PPARGC1A: variants seen among roughly 807,000 people sequenced by gnomAD.
PPARGC1A encodes PPARG coactivator 1 alpha, also known as peroxisome proliferator-activated receptor gamma coactivator 1-alpha.
In PPARGC1A, 25 loss-of-function variants were observed where a neutral mutation model predicts 88.7. The observed-to-expected ratio is 0.28, with a 90% CI of 0.21 to 0.39. PPARGC1A has a LOEUF of 0.39. PPARGC1A is among the 10% of genes least tolerant of loss of function. The pLI, the probability that PPARGC1A is intolerant of heterozygous loss-of-function variation, is 1.00. For missense variants in PPARGC1A, 880 were observed against 968.7 expected (o/e 0.91, Z 1.22); for synonymous variants, 363 against 355.6 (o/e 1.02, Z -0.24).
the PPARGC1A span, among the ~76,000 whole-genome samples, chr4:24,457,785 G>A: frequency 6.6e-6 from 1 of 151,898 alleles, no homozygotes; most frequent in African/African-American, 2.4e-5. Context: ...GGATGGTCTC[G>A]ATCTCTTGAC....
At chr4:24,091,314 T>C in the PPARGC1A span, among the ~76,000 whole-genome samples, 1 of 152,228 alleles carries the variant, frequency 6.6e-6, no homozygotes, top group Admixed American at 6.5e-5. Flanking sequence ...TTGCATGGTT[T>C]GCAAAGACGT....
the PPARGC1A span, among the ~76,000 whole-genome samples, chr4:24,249,545 A>C: frequency 6.6e-6 from 1 of 152,236 alleles, no homozygotes; most frequent in Non-Finnish European, 1.5e-5. Context: ...CCATGAAGAC[A>C]GAATTCTCTG....
At chr4:24,314,208 G>A in the PPARGC1A span, among the ~76,000 whole-genome samples, 4 of 152,210 alleles carry the variant, frequency 2.6e-5, no homozygotes, top group Non-Finnish European at 5.9e-5. Flanking sequence ...AACGGACTGA[G>A]CATTTCACTT....
chr4:24,340,863 C>T, the PPARGC1A span, among the ~76,000 whole-genome samples: 1 of 152,092 alleles, frequency 6.6e-6, no homozygotes, highest in Non-Finnish European at 1.5e-5. Flanking sequence ...TCTCATCCAC[C>T]CGCCACTCCC....
chr4:23,882,612 A>G (rs1251690025), intron 2 of PPARGC1A: 3 of 152,134 alleles, frequency 2.0e-5, no homozygotes, highest in Non-Finnish European at 4.4e-5. Context: ...GGGGACCAAA[A>G]TCGCCTTTGG....
At chr4:23,915,627 T>C in the PPARGC1A span, among the ~76,000 whole-genome samples, 1 of 152,202 alleles carries the variant, frequency 6.6e-6, no homozygotes, top group Non-Finnish European at 1.5e-5. Context: ...AGCTCAGCTC[T>C]AGAATAATGC....
chr4:24,376,216 G>T, the PPARGC1A span, among the ~76,000 whole-genome samples: 1 of 152,226 alleles, frequency 6.6e-6, no homozygotes, highest in South Asian at 2.1e-4. Context: ...AGCATATACG[G>T]TTCCCACCAC....
intron 7 of PPARGC1A, among the ~76,000 whole-genome samples, chr4:23,816,285 C>T (rs781615520): frequency 1.3e-5 from 2 of 152,154 alleles, no homozygotes; most frequent in Non-Finnish European, 2.9e-5. Flanking sequence ...TGGCTCTTTG[C>T]CCTTCTCTTT....
In PPARGC1A at chr4:23,795,028, A is replaced by T. The variant is rs1419180329; in HGVS notation, c.*794T>A. On this transcript the variant is annotated 3_prime_UTR_variant, in exon 13 of 13. Coordinates refer to ENST00000264867, the MANE Select transcript of PPARGC1A (RefSeq NM_013261.5). Reference sequence around the variant, plus strand: ...CAGTATCCTCTCCCACCCAGATTCCATGGCAAAAGGAAAAAGAAAAAAAAA... The same window carrying T: ...CAGTATCCTCTCCCACCCAGATTCCTTGGCAAAAGGAAAAAGAAAAAAAAA... The T allele has an allele frequency of 6.6e-6, 1 of 151,008 alleles. No homozygotes were observed. 9.4% of individuals were successfully genotyped at this position (151,008 alleles called of 1,614,324 possible).
the PPARGC1A span, among the ~76,000 whole-genome samples, chr4:24,341,072 T>C: frequency 6.6e-6 from 1 of 152,030 alleles, no homozygotes; most frequent in African/African-American, 2.4e-5. Context: ...TTACAAAGAT[T>C]AAAGAACATG....
the PPARGC1A span, among the ~76,000 whole-genome samples, chr4:24,002,276 C>T: frequency 5.3e-5 from 8 of 152,106 alleles, no homozygotes; most frequent in South Asian, 4.2e-4. Context: ...GACAAGCATG[C>T]GCCACCACAC....
chr4:24,226,045 T>C, the PPARGC1A span, among the ~76,000 whole-genome samples: 1 of 152,266 alleles, frequency 6.6e-6, no homozygotes, highest in Admixed American at 6.5e-5. Flanking sequence ...AGGTGAGAGC[T>C]GTTTCCACGC....
chr4:23,897,781 A>G (rs1718784835), intron 1 of PPARGC1A, among the ~76,000 whole-genome samples: 2 of 152,250 alleles, frequency 1.3e-5, no homozygotes, highest in South Asian at 4.1e-4. Context: ...ATTGGCTCTG[A>G]GAAGATCAGC....
chr4:24,107,767 G>C, the PPARGC1A span, among the ~76,000 whole-genome samples: 1 of 152,200 alleles, frequency 6.6e-6, no homozygotes, highest in Non-Finnish European at 1.5e-5. Flanking sequence ...CTGAGAGAGG[G>C]AGTGAAGTAA....
chr4:23,824,424 C>T, intron 6 of PPARGC1A, 39 bp downstream of exon 6: 2 of 1,605,392 alleles, frequency 1.2e-6, no homozygotes, highest in Non-Finnish European at 1.7e-6. Context: ...TTAGAACCCC[C>T]TTCCCTTTCA....
chr4:23,967,775 T>C, the PPARGC1A span, among the ~76,000 whole-genome samples: 2 of 152,308 alleles, frequency 1.3e-5, no homozygotes, highest in Non-Finnish European at 1.5e-5. Flanking sequence ...AGGCAGACTC[T>C]GTCTCTGCTC....
At chr4:24,183,943 G>A in the PPARGC1A span, among the ~76,000 whole-genome samples, 65 of 152,146 alleles carry the variant, frequency 4.3e-4, no homozygotes, top group Non-Finnish European at 2.2e-4. Context: ...GTGTGAAAAC[G>A]CTTGCTTTCA....
At chr4:24,241,773 GA>G in the PPARGC1A span, among the ~76,000 whole-genome samples, 2 of 152,198 alleles carry the variant, frequency 1.3e-5, no homozygotes, top group Non-Finnish European at 2.9e-5. Context: ...CGGGAGGGGG[GA>G]AACAGTGTTT....
the PPARGC1A span, among the ~76,000 whole-genome samples, chr4:24,133,510 AT>A: frequency 6.6e-6 from 1 of 152,180 alleles, no homozygotes; most frequent in Non-Finnish European, 1.5e-5. Context: ...CCTCAAGCAG[AT>A]TTTGTTTCGT....
Sources: allele counts gnomAD v4.1 joint callset (sites outside exome capture counted in the v4.1 genomes callset), GRCh38; gene constraint gnomAD v4.1.1; transcripts MANE v1.5; gene names NCBI Gene and HGNC (gene_info 2026-07-23, HGNC 2026-07-21).